The following DMD variants were observed in gnomAD, a reference collection of about 807,000 sequenced individuals.
DMD encodes mutant dystrophin.
Under a neutral mutation model 330.1 loss-of-function variants are expected in DMD, and 63 were observed. The observed-to-expected ratio is 0.19, with a 90% CI of 0.16 to 0.24. DMD has a LOEUF of 0.24. DMD is among the 10% of genes least tolerant of loss of function. The probability of loss-of-function intolerance (pLI) is 1.00; values close to 1 mark genes in which losing one functional copy is unlikely to be tolerated. For missense variants in DMD, 3,344 were observed against 2,684.1 expected (o/e 1.25, Z -5.43); for synonymous variants, 1,223 against 959.8 (o/e 1.27, Z -5.07).
At chrX:33,038,962 C>G (rs966412566) in intron 1 of DMD, among the ~76,000 whole-genome samples, 1 of 111,324 alleles carries the variant, frequency 9.0e-6, no homozygotes, top group Non-Finnish European at 1.9e-5. Context: ...TCACTGCACT[C>G]CAGCCTGGGT....
rs1376810755 is a variant in DMD at position 33,276,495 on chromosome X, T to C, written c.7+62764A>G. On this transcript the variant is annotated intron_variant, in intron 1 of 17. Transcript: ENST00000288447. ...TTAAATTTAGTTGAATCATGAAGTC[T>C]AAAAGTCCAGAGAGCACGAAACTAA... Among the ~76,000 whole-genome samples the C allele has an allele frequency of 2.7e-5, 3 of 111,252 alleles. No homozygotes were observed. The East Asian group carries it at 8.4e-4, about 31-fold the overall frequency.
At chrX:31,156,901 T>C (rs2038196739) in intron 74 of DMD, among the ~76,000 whole-genome samples, 1 of 111,435 alleles carries the variant, frequency 9.0e-6, no homozygotes, top group African/African-American at 3.3e-5. Context: ...GATACCTGAG[T>C]TCTAGCCCCT....
In DMD at chrX:33,160,763, T is replaced by A. The variant is rs759588152; in HGVS notation, c.31+50519A>T. The stretch of plus-strand genomic sequence containing the variant: ...GTAGATATCACGTGTTTACTATCTC[T>A]AACAAACAGAACTCATCCAGATGAT... On this transcript the variant is annotated intron_variant, in intron 1 of 78. Coordinates refer to ENST00000357033, the MANE Select transcript of DMD (RefSeq NM_004006.3). Among the ~76,000 whole-genome samples, 3 of 111,716 alleles carry A rather than the reference T, an allele frequency of 2.7e-5. No homozygotes were observed. The South Asian group carries it at 1.1e-3, about 42-fold the overall frequency.
intron 16 of DMD, among the ~76,000 whole-genome samples, chrX:32,556,542 G>C (rs977203946): frequency 1.8e-5 from 2 of 111,352 alleles, no homozygotes; most frequent in Admixed American, 1.9e-4. Flanking sequence ...CAATAGCAAA[G>C]ACATGGAATC....
chrX:32,724,808 C>A (rs1327391775), intron 7 of DMD, among the ~76,000 whole-genome samples: 2 of 111,760 alleles, frequency 1.8e-5, no homozygotes, highest in African/African-American at 3.2e-5. Context: ...CTCTTTTTCT[C>A]ATCATATTAT....
At chrX:31,516,369 C>T (rs905367206) in intron 55 of DMD, among the ~76,000 whole-genome samples, 1 of 109,640 alleles carries the variant, frequency 9.1e-6, no homozygotes, top group Admixed American at 9.7e-5. Context: ...ACAGTCTTGG[C>T]CTTATCAGGA....
At chrX:31,967,675 C>T (rs989358913) in intron 45 of DMD, among the ~76,000 whole-genome samples, 16 of 111,238 alleles carry the variant, frequency 1.4e-4, no homozygotes, top group African/African-American at 4.6e-4. Context: ...GACACATTAA[C>T]ATCAACAACT....
intron 2 of DMD, among the ~76,000 whole-genome samples, chrX:32,953,274 T>A (rs909393193): frequency 9.0e-6 from 1 of 111,103 alleles, no homozygotes; most frequent in African/African-American, 3.3e-5. Context: ...TAATACATAA[T>A]GCAAAATGAG....
intron 41 of DMD, among the ~76,000 whole-genome samples, chrX:32,340,929 A>G (rs1287493863): frequency 1.1e-4 from 12 of 111,997 alleles, no homozygotes; most frequent in Non-Finnish European, 3.8e-5. Context: ...ACCTGCTATT[A>G]AACTTTAGGG....
intron 7 of DMD, among the ~76,000 whole-genome samples, chrX:32,707,016 C>A: frequency 9.1e-6 from 1 of 110,035 alleles, no homozygotes; most frequent in Middle Eastern, 4.6e-3. Context: ...TGCTTGAACC[C>A]GGGAGGCAGA....
At chrX:33,083,629 A>G (rs2094962667) in intron 1 of DMD, among the ~76,000 whole-genome samples, 1 of 111,693 alleles carries the variant, frequency 9.0e-6, no homozygotes, top group Non-Finnish European at 1.9e-5. Context: ...TCCCTTTCAC[A>G]TATTTAAACA....
Position 32,554,821 on chromosome X carries a change from GGAGGGGGAGGGAGAGAGA to G in DMD, c.1993-9505_1993-9488del, listed in dbSNP as rs1381175139. 4.3e-3 allele frequency among the ~76,000 whole-genome samples: 34 copies of G among 7,860 alleles called. 1 individual carries two copies. Among genetic ancestry groups the G allele is most frequent in the African/African-American group, 0.016 (28 of 1,755 alleles). The allele number at this position is 7,860 out of a possible 115,157, so 6.8% of individuals were successfully genotyped here. On this transcript the variant is annotated intron_variant, in intron 16 of 78. Coordinates refer to ENST00000357033, the MANE Select transcript of DMD (RefSeq NM_004006.3). ...ACCTGGGAGGGAGGGAGGGAGGGAG[GGAGGGGGAGGGAGAGAGA>G]GAGAGAGAGAGAGAGAGAGAGAGAG...
At chrX:33,122,117 T>C (rs2095429079) in intron 1 of DMD, among the ~76,000 whole-genome samples, 1 of 111,631 alleles carries the variant, frequency 9.0e-6, no homozygotes, top group Non-Finnish European at 1.9e-5. Flanking sequence ...TCCCAGTTAC[T>C]GAGGAGGCTC....
At chrX:31,329,701 G>C (rs1057499371) in intron 61 of DMD, among the ~76,000 whole-genome samples, 3 of 110,195 alleles carry the variant, frequency 2.7e-5, no homozygotes, top group Non-Finnish European at 5.7e-5. Flanking sequence ...GGCCGGGCGC[G>C]GTGGCTCACC....
intron 44 of DMD, among the ~76,000 whole-genome samples, chrX:32,068,551 G>A (rs79928260): frequency 1.3e-4 from 14 of 109,039 alleles, no homozygotes; most frequent in East Asian, 5.8e-4. Flanking sequence ...TGACTTTGTC[G>A]ACGAACAGTT....
intron 15 of DMD, 99 bp from the exon 16 acceptor site, chrX:32,565,980 T>C: frequency 2.6e-6 from 2 of 760,711 alleles, no homozygotes; most frequent in Non-Finnish European, 3.9e-6. Flanking sequence ...TTTGCATAGA[T>C]AAGAAAATAT....
rs57052299 is a variant in DMD, at chrX:32,657,011, A to ATGTG, written c.961-11863_961-11860dup. Among the ~76,000 whole-genome samples, 640 of 100,768 alleles carry ATGTG rather than the reference A, an allele frequency of 6.4e-3. 3 individuals carry two copies. Among genetic ancestry groups the ATGTG allele is most frequent in the East Asian group, 0.025 (83 of 3,284 alleles). 87.5% of individuals were successfully genotyped at this position (100,768 alleles called of 115,157 possible). On this transcript the variant is annotated intron_variant, in intron 9 of 78. Transcript: ENST00000357033. ...ATACATATATAGTATACCAACTTAT[A>ATGTG]TGTGTGTGTGTGTGTGTGTGTGTGT...
At chrX:32,699,322 T>C in intron 7 of DMD, 29 bp from the exon 8 acceptor site, 1 of 1,143,574 alleles carries the variant, frequency 8.7e-7, no homozygotes, top group Non-Finnish European at 1.2e-6. Context: ...TACACATCAA[T>C]TTTTGGTTTC....
intron 1 of DMD, among the ~76,000 whole-genome samples, chrX:33,219,309 TG>T (rs1387526213): frequency 3.5e-5 from 2 of 56,943 alleles, no homozygotes; most frequent in East Asian, 1.6e-3. Context: ...GAGATTATTG[TG>T]TGTGTGTGTG....
Sources: allele counts gnomAD v4.1 joint callset (sites outside exome capture counted in the v4.1 genomes callset), GRCh38; gene constraint gnomAD v4.1.1; transcripts MANE v1.5; gene names NCBI Gene and HGNC (gene_info 2026-07-23, HGNC 2026-07-21).